Variants in ATXN1 observed in about 807,000 individuals in gnomAD.
ATXN1 encodes ataxin 1, also known as ataxin-1.
ATXN1 carries 8 observed loss-of-function variants against 56.4 expected under a neutral mutation model. That is an observed-to-expected ratio of 0.14 (90% CI 0.08 to 0.26). The LOEUF (loss-of-function observed/expected upper bound fraction) is 0.26, where lower values mean the gene tolerates loss of function less well. Ranked by LOEUF, ATXN1 falls within the 10% of genes least tolerant of loss-of-function variation. The probability of loss-of-function intolerance (pLI) is 1.00; values close to 1 mark genes in which losing one functional copy is unlikely to be tolerated. For missense variants in ATXN1, 987 were observed against 1,106.5 expected (o/e 0.89, Z 1.53); for synonymous variants, 514 against 494.6 (o/e 1.04, Z -0.52).
intron 3 of ATXN1, among the ~76,000 whole-genome samples, chr6:16,597,017 G>T (rs532648158): frequency 6.6e-6 from 1 of 152,126 alleles, no homozygotes; most frequent in East Asian, 1.9e-4. Context: ...CCTGCAGGGC[G>T]CAGGGTGTCC....
chr6:16,593,815 A>G (rs1762765339), intron 3 of ATXN1, among the ~76,000 whole-genome samples: 1 of 148,292 alleles, frequency 6.7e-6, no homozygotes, highest in Non-Finnish European at 1.5e-5. Flanking sequence ...TGTGAAGCAA[A>G]AAATTATATA....
At chr6:16,586,926 G>A (rs1235657801) in intron 3 of ATXN1, among the ~76,000 whole-genome samples, 1 of 152,012 alleles carries the variant, frequency 6.6e-6, no homozygotes, top group African/African-American at 2.4e-5. Flanking sequence ...AGCTGAGGCA[G>A]GAGAATCACT....
intron 2 of ATXN1, among the ~76,000 whole-genome samples, chr6:16,699,441 G>A (rs1167524752): frequency 6.6e-6 from 1 of 152,214 alleles, no homozygotes; most frequent in Non-Finnish European, 1.5e-5. Flanking sequence ...GAACAAACAT[G>A]TCCGGCTGAA....
At chr6:16,613,271 C>CAAAAAAAAAAAAAA (rs765813165) in intron 3 of ATXN1, among the ~76,000 whole-genome samples, 4 of 52,522 alleles carry the variant, frequency 7.6e-5, no homozygotes, top group Admixed American at 2.2e-4. Flanking sequence ...GACTCCGTCT[C>CAAAAAAAAAAAAAA]AAAAAAAAAA....
Position 16,453,808 on chromosome 6 carries a change from G to A in ATXN1, c.-161+32164C>T, listed in dbSNP as rs117044798. Among the ~76,000 whole-genome samples the A allele has an allele frequency of 1.6e-3, 242 of 152,270 alleles. 6 individuals are homozygous for A. In the East Asian group the frequency reaches 0.044, roughly 27 times the overall value. On this transcript the variant is annotated intron_variant, in intron 6 of 7. Transcript: ENST00000436367. ...CTAATTCTGGAAAATGAGGTGCAGAGAGGATTAAGTAACATGCTTGAATTC... is the reference window on the plus strand; with the variant it reads ...CTAATTCTGGAAAATGAGGTGCAGAAAGGATTAAGTAACATGCTTGAATTC...
At chr6:16,559,385 A>G (rs1019098426) in intron 4 of ATXN1, among the ~76,000 whole-genome samples, 57 of 152,222 alleles carry the variant, frequency 3.7e-4, no homozygotes, top group African/African-American at 1.4e-3. Context: ...AAAAAAAAAA[A>G]AGTCCATCAA....
chr6:16,722,264 G>C (rs977167944), intron 2 of ATXN1, among the ~76,000 whole-genome samples: 1 of 152,190 alleles, frequency 6.6e-6, no homozygotes, highest in Admixed American at 6.5e-5. Context: ...CATTAGCCAT[G>C]ACCTCCCAAT....
intron 2 of ATXN1, among the ~76,000 whole-genome samples, chr6:16,713,757 A>G (rs745330264): frequency 1.3e-5 from 2 of 152,236 alleles, no homozygotes; most frequent in Non-Finnish European, 2.9e-5. Context: ...CCACCCTAGA[A>G]CTATTAAATC....
intron 4 of ATXN1, among the ~76,000 whole-genome samples, chr6:16,572,650 G>A (rs1214841478): frequency 1.3e-5 from 2 of 152,164 alleles, no homozygotes; most frequent in East Asian, 3.8e-4. Flanking sequence ...AACACAGAGT[G>A]AGACACAAGC....
At chr6:16,385,527 C>T (rs1296039454) in intron 6 of ATXN1, among the ~76,000 whole-genome samples, 1 of 152,194 alleles carries the variant, frequency 6.6e-6, no homozygotes, top group Admixed American at 6.5e-5. Flanking sequence ...AGCATAGGGG[C>T]TTCTGGCTTG....
chr6:16,689,860 G>C (rs763185506), intron 2 of ATXN1, among the ~76,000 whole-genome samples: 3 of 152,092 alleles, frequency 2.0e-5, no homozygotes, highest in Non-Finnish European at 4.4e-5. Flanking sequence ...ATGGGTCTCA[G>C]AAACTTAGCC....
intron 6 of ATXN1, among the ~76,000 whole-genome samples, chr6:16,360,170 TG>T (rs1761778522): frequency 6.6e-6 from 1 of 152,212 alleles, no homozygotes; most frequent in Non-Finnish European, 1.5e-5. Context: ...GATTAGACCA[TG>T]GGTTCTCAAT....
At chr6:16,584,387 CCT>C (rs1762586759) in intron 4 of ATXN1, among the ~76,000 whole-genome samples, 1 of 151,126 alleles carries the variant, frequency 6.6e-6, no homozygotes, top group Non-Finnish European at 1.5e-5. Flanking sequence ...TTATTAAATA[CCT>C]TTTTGCTCTT....
chr6:16,444,353 A>G (rs894678148), intron 6 of ATXN1, among the ~76,000 whole-genome samples: 4 of 152,204 alleles, frequency 2.6e-5, no homozygotes, highest in African/African-American at 9.6e-5. Context: ...ATGAGCCTGG[A>G]ACATAGTGTT....
In ATXN1 at chr6:16,730,487, G is replaced by GTATA. The variant is rs4052880; in HGVS notation, c.-615+22742_-615+22745dup. 7.4e-3 allele frequency among the ~76,000 whole-genome samples: 977 copies of GTATA among 132,050 alleles called. 34 individuals are homozygous for GTATA. The highest frequency in any genetic ancestry group is 0.037 in the Admixed American group (480 of 13,014). The allele number at this position is 132,050 out of a possible 152,430, so 86.6% of individuals were successfully genotyped here. Reference sequence around the variant, plus strand: ...CTGGAGTTAAAGGGTAAAACAGTATGTATATATATATATATATATAAATGT... The same window carrying GTATA: ...CTGGAGTTAAAGGGTAAAACAGTATGTATATATATATATATATATATATAAATGT... On this transcript the variant is annotated intron_variant, in intron 2 of 7. Transcript: ENST00000436367.
chr6:16,621,110 T>C (rs1434111856), intron 3 of ATXN1, among the ~76,000 whole-genome samples: 3 of 152,160 alleles, frequency 2.0e-5, no homozygotes, highest in Non-Finnish European at 4.4e-5. Flanking sequence ...AAGAGACAAA[T>C]GAGCGCAGAT....
intron 4 of ATXN1, among the ~76,000 whole-genome samples, chr6:16,544,813 G>C (rs981151243): frequency 2.6e-5 from 4 of 152,180 alleles, no homozygotes; most frequent in Non-Finnish European, 5.9e-5. Flanking sequence ...CTAAGGGAGG[G>C]AGGAGTTTTC....
intron 2 of ATXN1, among the ~76,000 whole-genome samples, chr6:16,736,389 T>C (rs1291752990): frequency 6.6e-6 from 1 of 152,222 alleles, no homozygotes; most frequent in Non-Finnish European, 1.5e-5. Context: ...AGTTGTTATC[T>C]AACACAACAG....
chr6:16,407,925 G>A (rs2113546380), intron 6 of ATXN1, among the ~76,000 whole-genome samples: 1 of 152,346 alleles, frequency 6.6e-6, no homozygotes, highest in Middle Eastern at 3.4e-3. Flanking sequence ...GGTATCTGAA[G>A]TCCAGTAATT....
Sources: allele counts gnomAD v4.1 joint callset (sites outside exome capture counted in the v4.1 genomes callset), GRCh38; gene constraint gnomAD v4.1.1; transcripts MANE v1.5; gene names NCBI Gene and HGNC (gene_info 2026-07-23, HGNC 2026-07-21).